Variants in CYYR1 observed in about 807,000 individuals in gnomAD.
CYYR1 encodes cysteine and tyrosine rich 1, also known as cysteine and tyrosine-rich protein 1.
In CYYR1, 14 loss-of-function variants were observed where a neutral mutation model predicts 15.2. The observed-to-expected ratio is 0.92, with a 90% confidence interval of 0.61 to 1.44. CYYR1 has a LOEUF of 1.44. Ranked by LOEUF, CYYR1 falls within the 40% of genes most tolerant of loss-of-function variation. The probability of loss-of-function intolerance (pLI) is 0.00; values close to 1 mark genes in which losing one functional copy is unlikely to be tolerated. For synonymous variants in CYYR1, 80 were observed against 77.4 expected (o/e 1.03, Z -0.18); for missense variants, 228 against 209.5 (o/e 1.09, Z -0.54).
At chr21:26,487,684 A>G (rs981885020) in intron 2 of CYYR1, among the ~76,000 whole-genome samples, 2 of 152,126 alleles carry the variant, frequency 1.3e-5, no homozygotes, top group African/African-American at 4.8e-5. Context: ...CATTTTCAAT[A>G]TTAACAGTAT....
chr21:26,572,843 C>G, intron 1 of CYYR1, 25 bp downstream of exon 1: 1 of 1,612,498 alleles, frequency 6.2e-7, no homozygotes, highest in Non-Finnish European at 8.5e-7. Context: ...GCCTCTGACC[C>G]TCTCCGCCGC....
intron 2 of CYYR1, among the ~76,000 whole-genome samples, chr21:26,519,246 G>A (rs1243692596): frequency 6.6e-6 from 1 of 152,130 alleles, no homozygotes; most frequent in African/African-American, 2.4e-5. Context: ...AACAGGCAAT[G>A]CACATAATAA....
chr21:26,546,746 G>A (rs1424643099), intron 2 of CYYR1, among the ~76,000 whole-genome samples: 3 of 152,174 alleles, frequency 2.0e-5, no homozygotes, highest in Non-Finnish European at 4.4e-5. Flanking sequence ...GTGTAAGGAA[G>A]AAGCCCATGC....
At chr21:26,489,823 T>A (rs73349239) in intron 2 of CYYR1, among the ~76,000 whole-genome samples, 2,339 of 152,200 alleles carry the variant, frequency 0.015, 69 homozygotes, top group African/African-American at 0.054. Context: ...CTGAAACAGG[T>A]ATAATTGTAT....
At chr21:26,507,921 T>C (rs2065591455) in intron 2 of CYYR1, among the ~76,000 whole-genome samples, 1 of 152,202 alleles carries the variant, frequency 6.6e-6, no homozygotes, top group South Asian at 2.1e-4. Context: ...TGAACACCTA[T>C]TATGTATGTG....
intron 2 of CYYR1, among the ~76,000 whole-genome samples, chr21:26,558,065 C>T (rs1342094966): frequency 6.6e-6 from 1 of 152,152 alleles, no homozygotes; most frequent in African/African-American, 2.4e-5. Flanking sequence ...TCAAATAGCA[C>T]CAACCTTTGC....
intron 2 of CYYR1, among the ~76,000 whole-genome samples, chr21:26,490,639 A>G (rs1292777548): frequency 6.6e-6 from 1 of 152,190 alleles, no homozygotes; most frequent in African/African-American, 2.4e-5. Flanking sequence ...CTTTTGGGAC[A>G]TTGACCACAA....
At chr21:26,537,064 T>C (rs192943482) in intron 2 of CYYR1, among the ~76,000 whole-genome samples, 1 of 152,162 alleles carries the variant, frequency 6.6e-6, no homozygotes, top group East Asian at 1.9e-4. Context: ...GGTGTGCGGG[T>C]TCAGAGTTTT....
At chr21:26,507,167 CA>C (rs1409348687) in intron 2 of CYYR1, among the ~76,000 whole-genome samples, 1 of 152,132 alleles carries the variant, frequency 6.6e-6, no homozygotes, top group East Asian at 1.9e-4. Flanking sequence ...CAGCTCCTTA[CA>C]GTACCAATCC....
intron 2 of CYYR1, among the ~76,000 whole-genome samples, chr21:26,481,590 C>T (rs562876033): frequency 3.9e-5 from 6 of 152,062 alleles, no homozygotes; most frequent in Non-Finnish European, 7.4e-5. Context: ...TAATATTCCA[C>T]GGTGTGTATG....
chr21:26,561,060 C>A (rs1980161397), intron 2 of CYYR1, among the ~76,000 whole-genome samples: 1 of 152,144 alleles, frequency 6.6e-6, no homozygotes, highest in African/African-American at 2.4e-5. Context: ...TTTATATTTT[C>A]TTTTAATACA....
intron 1 of CYYR1, among the ~76,000 whole-genome samples, chr21:26,570,885 C>T (rs911419642): frequency 6.6e-6 from 1 of 152,172 alleles, no homozygotes; most frequent in African/African-American, 2.4e-5. Flanking sequence ...CCCACTCCGT[C>T]TCGTTGGGTT....
intron 2 of CYYR1, among the ~76,000 whole-genome samples, chr21:26,546,837 G>A (rs971864286): frequency 2.0e-5 from 3 of 152,114 alleles, no homozygotes; most frequent in Non-Finnish European, 4.4e-5. Flanking sequence ...CAACAATAGT[G>A]GATACGTCAG....
At chr21:26,536,152 G>A (rs1422202739) in intron 2 of CYYR1, among the ~76,000 whole-genome samples, 1 of 152,224 alleles carries the variant, frequency 6.6e-6, no homozygotes, top group East Asian at 1.9e-4. Context: ...TGGATCTCAT[G>A]AGAACTCTAT....
At chr21:26,472,631 T>C (rs969292591) in intron 3 of CYYR1, among the ~76,000 whole-genome samples, 3 of 152,078 alleles carry the variant, frequency 2.0e-5, no homozygotes, top group Non-Finnish European at 4.4e-5. Flanking sequence ...TGGTGATAGT[T>C]TCTAAATGAG....
At chr21:26,486,629 C>CT (rs1463065698) in intron 2 of CYYR1, among the ~76,000 whole-genome samples, 2 of 151,102 alleles carry the variant, frequency 1.3e-5, no homozygotes, top group Admixed American at 6.6e-5. Context: ...ATTTTTTTTT[C>CT]TTTTTTTGCA....
chr21:26,496,772 G>T (rs577339239), intron 2 of CYYR1, among the ~76,000 whole-genome samples: 11 of 152,022 alleles, frequency 7.2e-5, no homozygotes, highest in African/African-American at 2.7e-4. Flanking sequence ...AATATTTATT[G>T]ATATTTATCC....
chr21:26,478,622 A>T (rs1296048134), intron 3 of CYYR1, among the ~76,000 whole-genome samples: 1 of 152,160 alleles, frequency 6.6e-6, no homozygotes, highest in Non-Finnish European at 1.5e-5. Flanking sequence ...GATTCTGAGC[A>T]CAGGAGTAAT....
intron 3 of CYYR1, among the ~76,000 whole-genome samples, chr21:26,472,132 T>G (rs758050547): frequency 1.3e-5 from 2 of 152,212 alleles, no homozygotes; most frequent in Admixed American, 6.5e-5. Flanking sequence ...TGTGCGTAGT[T>G]GCATCCTTGC....
Sources: allele counts gnomAD v4.1 joint callset (sites outside exome capture counted in the v4.1 genomes callset), GRCh38; gene constraint gnomAD v4.1.1; transcripts MANE v1.5; gene names NCBI Gene and HGNC (gene_info 2026-07-23, HGNC 2026-07-21).